The following CADPS2 variants were observed in gnomAD, a reference collection of about 807,000 sequenced individuals.
CADPS2 encodes the protein calcium dependent secretion activator 2.
Under a neutral mutation model 172.5 loss-of-function variants are expected in CADPS2, and 93 were observed. The ratio of observed to expected loss-of-function variants is 0.54; its 90% confidence interval spans 0.46 to 0.64. CADPS2 has a LOEUF of 0.64. CADPS2 is among the 30% of genes least tolerant of loss of function. The pLI is 0.00. For synonymous variants in CADPS2, 546 were observed against 555.2 expected, an observed-to-expected ratio of 0.98 and a Z score of 0.23; for missense variants, 1,420 against 1,565.9, an observed-to-expected ratio of 0.91 and a Z score of 1.57.
At chr7:122,703,179 T>C (rs1418631778) in intron 2 of CADPS2, among the ~76,000 whole-genome samples, 1 of 152,176 alleles carries the variant, frequency 6.6e-6, no homozygotes, top group Non-Finnish European at 1.5e-5. Flanking sequence ...GGTTTCTTCC[T>C]TAGTTCTGGA....
At chr7:122,379,058 GC>G (rs2042685720) in intron 25 of CADPS2, 1 of 239,938 alleles carries the variant, frequency 4.2e-6, no homozygotes, top group African/African-American at 2.3e-5. Context: ...ACTCAAGGCT[GC>G]TATGGAGTTA....
intron 2 of CADPS2, among the ~76,000 whole-genome samples, chr7:122,709,835 C>G (rs867254428): frequency 2.0e-5 from 3 of 151,828 alleles, no homozygotes; most frequent in African/African-American, 7.2e-5. Flanking sequence ...CATGTTCTCA[C>G]TCATAGATGG....
At chr7:122,506,737 A>AC (rs2059633402) in intron 9 of CADPS2, among the ~76,000 whole-genome samples, 1 of 151,958 alleles carries the variant, frequency 6.6e-6, no homozygotes, top group Non-Finnish European at 1.5e-5. Flanking sequence ...TAAAAAAAAA[A>AC]AAAAAACAAA....
chr7:122,822,164 G>T (rs7800807), intron 1 of CADPS2, among the ~76,000 whole-genome samples: 29,538 of 146,556 alleles, frequency 0.2, 3,271 homozygotes, highest in Middle Eastern at 0.3. Flanking sequence ...TAATCTTTGA[G>T]GGCAGGACTA....
intron 2 of CADPS2, chr7:122,698,290 A>C (rs780897071): frequency 1.2e-6 from 2 of 1,614,092 alleles, no homozygotes; most frequent in Non-Finnish European, 1.7e-6. Flanking sequence ...AAGTCTATGA[A>C]TGTGATAAAA....
intron 16 of CADPS2, chr7:122,440,014 C>T (rs2051148371): frequency 1.3e-5 from 2 of 152,126 alleles, no homozygotes; most frequent in South Asian, 2.1e-4. Flanking sequence ...ATGCCAACCT[C>T]GATTTCCTGC....
At chr7:122,539,979 T>C (rs2062754085) in intron 8 of CADPS2, among the ~76,000 whole-genome samples, 1 of 152,102 alleles carries the variant, frequency 6.6e-6, no homozygotes, top group Admixed American at 6.6e-5. Flanking sequence ...TCAAAATGTT[T>C]CAAGTCACAT....
At chr7:122,390,099 C>T (rs2044183082) in intron 22 of CADPS2, among the ~76,000 whole-genome samples, 1 of 151,968 alleles carries the variant, frequency 6.6e-6, no homozygotes, top group Non-Finnish European at 1.5e-5. Context: ...TCCTGATCTC[C>T]TTGTCTAGCC....
intron 11 of CADPS2, among the ~76,000 whole-genome samples, chr7:122,485,261 G>C (rs1198917739): frequency 2.0e-5 from 3 of 152,162 alleles, no homozygotes; most frequent in Non-Finnish European, 2.9e-5. Context: ...AGTGAGCAAG[G>C]CATGTCAAAA....
chr7:122,463,412 C>T (rs2054716781), intron 14 of CADPS2, among the ~76,000 whole-genome samples: 1 of 152,006 alleles, frequency 6.6e-6, no homozygotes, highest in Admixed American at 6.6e-5. Flanking sequence ...CTCCACCTCC[C>T]AGGTTCATGC....
At position 122,505,328 on chromosome 7, in the gene CADPS2, A is replaced by G. The variant is rs145732114; in HGVS notation, c.1542+7921T>C. On this transcript the variant is annotated intron_variant, in intron 9 of 29. Coordinates refer to ENST00000449022, the MANE Select transcript of CADPS2 (RefSeq NM_017954.11). Reference sequence around the variant, plus strand: ...TGCTGTTTTATGCTATAAGTATTGTATCTCTAGCTAGCTTTAAATGAGACA... The same window carrying G: ...TGCTGTTTTATGCTATAAGTATTGTGTCTCTAGCTAGCTTTAAATGAGACA... 2.0e-5 allele frequency among the ~76,000 whole-genome samples: 3 copies of G among 152,304 alleles called. No homozygotes were observed. The East Asian group carries it at 5.8e-4, about 29-fold the overall frequency.
intron 28 of CADPS2, among the ~76,000 whole-genome samples, chr7:122,336,959 T>C (rs1298752577): frequency 1.3e-5 from 2 of 152,226 alleles, no homozygotes; most frequent in Non-Finnish European, 2.9e-5. Flanking sequence ...AGCTTTTGAA[T>C]TGCTTTTCTA....
At chr7:122,424,947 TA>T in intron 17 of CADPS2, among the ~76,000 whole-genome samples, 1 of 152,330 alleles carries the variant, frequency 6.6e-6, no homozygotes, top group East Asian at 1.9e-4. Flanking sequence ...TTTCCAGTGT[TA>T]ATTTTGCCAG....
chr7:122,490,359 T>A, intron 10 of CADPS2, 78 bp from the exon 11 acceptor site: 1 of 1,051,750 alleles, frequency 9.5e-7, no homozygotes, highest in Non-Finnish European at 1.4e-6. Context: ...ACTGACCTCA[T>A]GGAAAAGAAT....
At chr7:122,554,084 C>G (rs1464513192) in intron 8 of CADPS2, among the ~76,000 whole-genome samples, 2 of 152,050 alleles carry the variant, frequency 1.3e-5, no homozygotes, top group Non-Finnish European at 2.9e-5. Context: ...TTCTCACTCA[C>G]ATGTTTGGAT....
chr7:122,771,233 G>T (rs2093695828), intron 1 of CADPS2, among the ~76,000 whole-genome samples: 1 of 152,170 alleles, frequency 6.6e-6, no homozygotes, highest in Admixed American at 6.5e-5. Flanking sequence ...TTTATCATAT[G>T]AATGTTGAAA....
chr7:122,529,068 G>GACAT (rs2061528679), intron 8 of CADPS2, among the ~76,000 whole-genome samples: 1 of 151,916 alleles, frequency 6.6e-6, no homozygotes, highest in Non-Finnish European at 1.5e-5. Context: ...CCATCTACTG[G>GACAT]ACATATACAT....
At chr7:122,854,234 C>T (rs1011539141) in intron 1 of CADPS2, among the ~76,000 whole-genome samples, 14 of 151,930 alleles carry the variant, frequency 9.2e-5, no homozygotes, top group African/African-American at 3.4e-4. Context: ...GTGGGTGACT[C>T]GTGCCTGTAG....
chr7:122,535,172 G>C (rs1431967580), intron 8 of CADPS2, among the ~76,000 whole-genome samples: 1 of 152,030 alleles, frequency 6.6e-6, no homozygotes, highest in African/African-American at 2.4e-5. Context: ...CACTTAAAGA[G>C]AAAAGTATTT....
Sources: gnomAD v4.1 joint callset for allele counts (sites outside exome capture counted in the v4.1 genomes callset) on GRCh38, gnomAD v4.1.1 for gene constraint, MANE v1.5 for transcripts, NCBI Gene and HGNC (gene_info 2026-07-23, HGNC 2026-07-21) for gene names.